SPPL2B: variants seen among roughly 807,000 people sequenced by gnomAD.
SPPL2B encodes the protein signal peptide peptidase like 2B.
SPPL2B carries 39 observed loss-of-function variants against 59.7 expected under a neutral mutation model. That is an observed-to-expected ratio of 0.65 (90% CI 0.51 to 0.85). The LOEUF is 0.85. Ranked by LOEUF, SPPL2B falls within the 40% of genes least tolerant of loss-of-function variation. The pLI is 0.00. For synonymous variants in SPPL2B, 419 were observed against 370.8 expected, an observed-to-expected ratio of 1.13 and a Z score of -1.49; for missense variants, 865 against 849.0, an observed-to-expected ratio of 1.02 and a Z score of -0.23.
At chr19:2,351,247 G>A (rs12976873) in intron 13 of SPPL2B, among the ~76,000 whole-genome samples, 187 bp from the exon 14 acceptor site, 1 of 152,182 alleles carries the variant, frequency 6.6e-6, no homozygotes, top group Non-Finnish European at 1.5e-5. Context: ...TTGTGGCCCA[G>A]GAGGTGCCGG....
chr19:2,330,155 C>G (rs1356573826), intron 1 of SPPL2B: 1 of 151,836 alleles, frequency 6.6e-6, no homozygotes, highest in African/African-American at 2.4e-5. Flanking sequence ...GTCGCCCAGG[C>G]TGGAGTGCAG....
At chr19:2,331,713 C>T (rs1968302488) in intron 1 of SPPL2B, among the ~76,000 whole-genome samples, 1 of 152,226 alleles carries the variant, frequency 6.6e-6, no homozygotes, top group African/African-American at 2.4e-5. Context: ...ACACTTTTCA[C>T]CAGAGTCCCT....
intron 8 of SPPL2B, chr19:2,341,320 C>T (rs533537931): frequency 1.7e-6 from 1 of 578,332 alleles, no homozygotes; most frequent in South Asian, 1.5e-5. Flanking sequence ...CTGCCCAGGG[C>T]CACAGTCTGT....
At chr19:2,350,470 C>G in intron 13 of SPPL2B, among the ~76,000 whole-genome samples, 1 of 151,634 alleles carries the variant, frequency 6.6e-6, no homozygotes, top group East Asian at 1.9e-4. Flanking sequence ...TCTCTCCACA[C>G]ACACTCACGC....
At chr19:2,333,822 G>A (rs944542312) in intron 1 of SPPL2B, among the ~76,000 whole-genome samples, 2 of 152,232 alleles carry the variant, frequency 1.3e-5, no homozygotes, top group Non-Finnish European at 2.9e-5. Context: ...AGCCCTGGCT[G>A]GCTGTTCCTT....
intron 13 of SPPL2B, among the ~76,000 whole-genome samples, chr19:2,348,055 G>T (rs1358384485): frequency 2.4e-5 from 2 of 82,042 alleles, no homozygotes; most frequent in African/African-American, 1.1e-4. Context: ...GCTCTCATTC[G>T]CTTGATTCCA....
intron 12 of SPPL2B, among the ~76,000 whole-genome samples, chr19:2,345,015 G>A (rs1226443480): frequency 1.3e-5 from 2 of 152,108 alleles, no homozygotes; most frequent in Non-Finnish European, 1.5e-5. Context: ...GTGTCCCCAG[G>A]GTCCTGCCAG....
At chr19:2,339,001 C>G (rs1968835398) in intron 4 of SPPL2B, 68 bp from the exon 5 acceptor site, 1 of 1,519,436 alleles carries the variant, frequency 6.6e-7, no homozygotes, top group South Asian at 1.2e-5. Flanking sequence ...CCACAGCCCA[C>G]AGCTGCACGT....
intron 13 of SPPL2B, among the ~76,000 whole-genome samples, chr19:2,346,966 T>C (rs2145188171): frequency 6.8e-6 from 1 of 146,282 alleles, no homozygotes; most frequent in South Asian, 2.1e-4. Context: ...GCGGCTCTTT[T>C]TTTAAGAGTG....
At chr19:2,347,573 C>CCA (rs59927740) in intron 13 of SPPL2B, among the ~76,000 whole-genome samples, 1 of 5,146 alleles carries the variant, frequency 1.9e-4, no homozygotes, top group Non-Finnish European at 2.6e-4. Flanking sequence ...CGTTCTCTCT[C>CCA]CACACACACT....
At chr19:2,351,326 C>T (rs62119749) in intron 13 of SPPL2B, 108 bp from the exon 14 acceptor site, 32,110 of 879,242 alleles carry the variant, frequency 0.037, 2,910 homozygotes, top group East Asian at 0.33. Flanking sequence ...CTCCCGTCCT[C>T]GCACACCCCT....
chr19:2,328,895 C>T (rs1159463544), intron 1 of SPPL2B, 120 bp downstream of exon 1: 4 of 882,568 alleles, frequency 4.5e-6, no homozygotes, highest in Non-Finnish European at 6.1e-6. Context: ...CTCGGGGATC[C>T]GCCGTCCCCG....
Position 2,353,242 on chromosome 19 carries a change from C to A in SPPL2B, c.*33C>A. ...GTGAGACGCTCGCTGCCGTGCCCGC[C>A]ACACCAAGATGTTGGGGCTGCCTGG... On this transcript the variant is annotated 3_prime_UTR_variant, in exon 15 of 15. Transcript: ENST00000613503. 1.3e-6 allele frequency: 2 copies of A among 1,568,144 alleles called. No individual in the cohort carries two copies. The highest frequency in any genetic ancestry group is 1.2e-5 in the South Asian group (1 of 86,232).
rs1480866568 is a variant in SPPL2B at position 2,349,857 on chromosome 19, G to GC, written c.1355-1576dup. On this transcript the variant is annotated intron_variant, in intron 13 of 14. Transcript: ENST00000613503. The stretch of plus-strand genomic sequence containing the variant: ...TCCACACACACTCACGCTCTCATTC[G>GC]CTTGATTCCGTTCTCTCTCTCCACA... Among the ~76,000 whole-genome samples the GC allele has an allele frequency of 1.3e-3, 169 of 125,538 alleles. 1 individual carries two copies. The highest frequency in any genetic ancestry group is 5.1e-3 in the African/African-American group (162 of 31,788). The allele number at this position is 125,538 out of a possible 152,430, so 82.4% of individuals were successfully genotyped here.
intron 13 of SPPL2B, among the ~76,000 whole-genome samples, chr19:2,350,813 A>T (rs1969886353): frequency 6.6e-6 from 1 of 152,242 alleles, no homozygotes; most frequent in South Asian, 2.1e-4. Context: ...GGACATGAGC[A>T]AGGGGGTCCT....
chr19:2,344,385 G>A lies in SPPL2B; in HGVS notation c.1137G>A (p.Glu379=), dbSNP rs763521712. The change falls in exon 11 of 15, where the codon GAG becomes GAA. Residue 379 remains glutamate, a synonymous_variant. Coordinates refer to ENST00000613503, the MANE Select transcript of SPPL2B (RefSeq NM_152988.3). ...AGAGTGGGAGCAGCATCATGGTGGA[G>A]GTGGCCACTGGGCCCTCGGACTCAG... is the stretch of plus-strand genomic sequence containing the variant. ...LTKSGSSIMV[E]VATGPSDSAT... The A allele has an allele frequency of 1.3e-5, 21 of 1,563,166 alleles. No individual in the cohort carries two copies. In the East Asian group the frequency reaches 1.7e-4, roughly 12 times the overall value.
chr19:2,344,225 C>A, intron 10 of SPPL2B, 137 bp from the exon 11 acceptor site: 1 of 538,392 alleles, frequency 1.9e-6, no homozygotes. Context: ...TCACCCTGCT[C>A]CCCTGCCCCA....
In SPPL2B at chr19:2,346,447, C is replaced by T. The variant is rs1209073895; in HGVS notation, c.1354+1117C>T. On this transcript the variant is annotated intron_variant, in intron 13 of 14. Coordinates refer to ENST00000613503, the MANE Select transcript of SPPL2B (RefSeq NM_152988.3). ...CTGGGAGGCTGAAGTGGGAGGATTG[C>T]TTGAGTCCAGGAGTTCAAGACCAGC... Among the ~76,000 whole-genome samples, 6 of 152,226 alleles carry T rather than the reference C, an allele frequency of 3.9e-5. No individual in the cohort carries two copies. The East Asian group carries it at 1.2e-3, about 29-fold the overall frequency.
rs753722196 is a variant in SPPL2B, at chr19:2,334,732, G to A, written c.186+11G>A. 8.9e-6 allele frequency: 14 copies of A among 1,569,048 alleles called. 1 individual carries two copies. Among genetic ancestry groups the A allele is most frequent in the South Asian group, 8.2e-5 (7 of 84,990 alleles). ...GACCTCAGCAAGGCAGTGAGTACCC[G>A]CTGGCCGGGCGCCGCTGCGGAGGAG... is the stretch of plus-strand genomic sequence containing the variant. On this transcript the variant is annotated intron_variant, in intron 2 of 14. Transcript: ENST00000613503.
Sources: gnomAD v4.1 joint callset for allele counts (sites outside exome capture counted in the v4.1 genomes callset) on GRCh38, gnomAD v4.1.1 for gene constraint, MANE v1.5 for transcripts, NCBI Gene and HGNC (gene_info 2026-07-23, HGNC 2026-07-21) for gene names.